SMIM41: variants seen among roughly 807,000 people sequenced by gnomAD.
SMIM41 encodes small integral membrane protein 41.
intron 2 of SMIM41, among the ~76,000 whole-genome samples, chr12:52,101,031 G>GA (rs1482306396): frequency 6.6e-6 from 1 of 151,636 alleles, no homozygotes; most frequent in East Asian, 1.9e-4. Context: ...CTCCACTGCA[G>GA]AAAAAAATGG....
At chr12:52,096,116 A>G (rs1371848664) in intron 2 of SMIM41, among the ~76,000 whole-genome samples, 1 of 151,534 alleles carries the variant, frequency 6.6e-6, no homozygotes, top group Non-Finnish European at 1.5e-5. Context: ...CTTCCTGGCT[A>G]TTAGGAATAA....
chr12:52,091,978 A>G (rs142291190), intron 2 of SMIM41: 2 of 152,372 alleles, frequency 1.3e-5, no homozygotes, highest in East Asian at 1.9e-4. Flanking sequence ...AAGGCTGTCA[A>G]TTCTTTAAAT....
chr12:52,093,474 C>G (rs938852419), intron 2 of SMIM41: 1 of 151,974 alleles, frequency 6.6e-6, no homozygotes, highest in Non-Finnish European at 1.5e-5. Context: ...TGTGGCAGCC[C>G]GGCAACCCTG....
rs140329846 is a variant in SMIM41, at chr12:52,095,059, C to T, written c.*195+11091C>T. 7.9e-5 allele frequency among the ~76,000 whole-genome samples: 12 copies of T among 151,990 alleles called. No individual in the cohort carries two copies. The East Asian group carries it at 2.3e-3, about 29-fold the overall frequency. ...CTTCTGGGCTCAAGCGATCCTCCTG[C>T]CTCAGCCTCTGGAGTATCTGGGACT... On this transcript the variant is annotated intron_variant, in intron 2 of 2. Coordinates refer to ENST00000546390, the MANE Select transcript of SMIM41 (RefSeq NM_001369216.1).
At chr12:52,099,073 G>A (rs1219795526) in intron 2 of SMIM41, among the ~76,000 whole-genome samples, 1 of 151,756 alleles carries the variant, frequency 6.6e-6, no homozygotes, top group Non-Finnish European at 1.5e-5. Flanking sequence ...AATATTGGGA[G>A]TAGTATCCTC....
At chr12:52,090,990 C>T (rs562849596) in intron 2 of SMIM41, among the ~76,000 whole-genome samples, 1 of 152,294 alleles carries the variant, frequency 6.6e-6, no homozygotes, top group East Asian at 1.9e-4. Flanking sequence ...TTAGCCAACT[C>T]TCTCCTTTCT....
chr12:52,080,026 A>G lies in SMIM41; in HGVS notation c.247A>G (p.Ser83Gly). 2.7e-6 allele frequency: 1 copy of G among 370,564 alleles called. No individual in the cohort carries two copies. Among genetic ancestry groups the G allele is most frequent in the Non-Finnish European group, 4.8e-6 (1 of 207,842 alleles). 23.0% of individuals were successfully genotyped at this position (370,564 alleles called of 1,614,324 possible). A position where few individuals can be genotyped will look rare whatever the true frequency, so the allele number is the denominator to read the frequency against. The part of the protein sequence containing the change: ...QRASREPEPG[S>G]ASGEDGDDDS ...CGCGTCCCGCGAGCCCGAGCCGGGCAGTGCCAGCGGAGAGGACGGCGACGA... is the reference window on the plus strand; with the variant it reads ...CGCGTCCCGCGAGCCCGAGCCGGGCGGTGCCAGCGGAGAGGACGGCGACGA... Residue 83 changes from serine to glycine, a missense_variant, in exon 1 of 3, where the codon AGT becomes GGT. Coordinates refer to ENST00000546390, the MANE Select transcript of SMIM41 (RefSeq NM_001369216.1).
At chr12:52,086,617 C>T (rs1056512936) in intron 2 of SMIM41, among the ~76,000 whole-genome samples, 4 of 152,210 alleles carry the variant, frequency 2.6e-5, no homozygotes, top group South Asian at 2.1e-4. Flanking sequence ...CGCACGCCCA[C>T]GCCCACGGCT....
At chr12:52,101,089 T>A (rs186040387) in intron 2 of SMIM41, among the ~76,000 whole-genome samples, 7 of 152,268 alleles carry the variant, frequency 4.6e-5, no homozygotes, top group Non-Finnish European at 4.4e-5. Flanking sequence ...AGGCACAGCA[T>A]GACAAATATT....
intron 2 of SMIM41, among the ~76,000 whole-genome samples, chr12:52,100,045 G>A (rs955134083): frequency 6.6e-6 from 1 of 152,030 alleles, no homozygotes. Context: ...AACAGAGGGG[G>A]TGTACACACC....
At chr12:52,087,329 C>T (rs927666042) in intron 2 of SMIM41, among the ~76,000 whole-genome samples, 18 of 152,214 alleles carry the variant, frequency 1.2e-4, no homozygotes, top group African/African-American at 4.1e-4. Flanking sequence ...CACCCACTGC[C>T]GCCTCCGGTT....
intron 2 of SMIM41, among the ~76,000 whole-genome samples, chr12:52,088,966 G>A (rs769770001): frequency 4.6e-5 from 7 of 151,860 alleles, no homozygotes; most frequent in East Asian, 1.9e-4. Flanking sequence ...TTCAGTGGCC[G>A]TGGAGGAGTG....
Position 52,081,270 on chromosome 12 carries a change from C to T in SMIM41, c.*120+1089C>T, listed in dbSNP as rs1440236303. Among the ~76,000 whole-genome samples the T allele has an allele frequency of 2.0e-5, 3 of 152,076 alleles. No homozygotes were observed. The highest frequency in any genetic ancestry group is 4.8e-5 in the African/African-American group (2 of 41,384). On this transcript the variant is annotated intron_variant, in intron 1 of 2. Transcript: ENST00000546390. The surrounding 1 kb of genome is among the most constrained non-coding windows in gnomAD (Gnocchi z 4.1). ...TTGGCCTCTCTTGCCCCCCCTCCCC[C>T]GATTCTGGAGCCCCTCCCCTGCTTA...
chr12:52,099,440 T>G (rs1940170329), intron 2 of SMIM41, among the ~76,000 whole-genome samples: 1 of 151,286 alleles, frequency 6.6e-6, no homozygotes, highest in African/African-American at 2.4e-5. Context: ...GGGATATTGG[T>G]GTAAAACCCC....
rs1297483686 is a variant in SMIM41 at position 52,100,726 on chromosome 12, GC to G, written c.*196-6647del. ...GACCTCAGGTGATCCACCCACTTCG[GC>G]CCCCCAAAGTGCTGGGATTACAGGC... is the stretch of plus-strand genomic sequence containing the variant. On this transcript the variant is annotated intron_variant, in intron 2 of 2. Coordinates refer to ENST00000546390, the MANE Select transcript of SMIM41 (RefSeq NM_001369216.1). Among the ~76,000 whole-genome samples the G allele has an allele frequency of 3.3e-5, 5 of 150,740 alleles. No individual in the cohort carries two copies. The East Asian group carries it at 9.8e-4, about 29-fold the overall frequency.
intron 2 of SMIM41, among the ~76,000 whole-genome samples, chr12:52,101,115 T>C (rs751101242): frequency 3.9e-5 from 6 of 152,162 alleles, no homozygotes; most frequent in Non-Finnish European, 8.8e-5. Context: ...TCCTCACTTA[T>C]ACGTAGGAAC....
chr12:52,091,112 A>T lies in SMIM41; in HGVS notation c.*195+7144A>T, dbSNP rs561966121. 2.6e-5 allele frequency among the ~76,000 whole-genome samples: 4 copies of T among 152,310 alleles called. No individual in the cohort carries two copies. The South Asian group carries it at 6.2e-4, about 24-fold the overall frequency. On this transcript the variant is annotated intron_variant, in intron 2 of 2. Transcript: ENST00000546390. ...TTCTAGTCTCAAACTCCTGGGCTCAAGTGATCCTCCTATCTCAGCCTCCCC... is the reference window on the plus strand; with the variant it reads ...TTCTAGTCTCAAACTCCTGGGCTCATGTGATCCTCCTATCTCAGCCTCCCC...
At chr12:52,097,987 G>A (rs1188901183) in intron 2 of SMIM41, among the ~76,000 whole-genome samples, 6 of 149,476 alleles carry the variant, frequency 4.0e-5, no homozygotes, top group Non-Finnish European at 7.4e-5. Context: ...TAACACAGGG[G>A]TAACGTACAC....
At chr12:52,100,153 A>G (rs1225869613) in intron 2 of SMIM41, among the ~76,000 whole-genome samples, 1 of 152,086 alleles carries the variant, frequency 6.6e-6, no homozygotes. Context: ...GAGTAATATC[A>G]TTCTTTTCCT....
Sources: allele counts gnomAD v4.1 joint callset (sites outside exome capture counted in the v4.1 genomes callset), GRCh38; gene constraint gnomAD v4.1.1; non-coding constraint Gnocchi (gnomAD v3.1); transcripts MANE v1.5; gene names NCBI Gene and HGNC (gene_info 2026-07-23, HGNC 2026-07-21).